CADPS2: variants seen among roughly 807,000 people sequenced by gnomAD.
The protein encoded by CADPS2 is calcium-dependent secretion activator 2.
Under a neutral mutation model 172.5 loss-of-function variants are expected in CADPS2, and 93 were observed. That is an observed-to-expected ratio of 0.54 (90% CI 0.46 to 0.64). The LOEUF (loss-of-function observed/expected upper bound fraction) is 0.64. Among genes scored for constraint, CADPS2 ranks in the 30% least tolerant of loss-of-function variants. The pLI, the probability that CADPS2 is intolerant of heterozygous loss-of-function variation, is 0.00. For synonymous variants in CADPS2, 546 were observed against 555.2 expected (o/e 0.98, Z 0.23); for missense variants, 1,420 against 1,565.9 (o/e 0.91, Z 1.57).
chr7:122,840,606 G>C (rs578026204), intron 1 of CADPS2, among the ~76,000 whole-genome samples: 2 of 150,614 alleles, frequency 1.3e-5, no homozygotes, highest in South Asian at 4.2e-4. Context: ...ACTTAGGGTA[G>C]GCCGAATTAC....
chr7:122,649,898 ATTTTTTTTTTTT>A (rs71531909), intron 3 of CADPS2, among the ~76,000 whole-genome samples: 8 of 51,974 alleles, frequency 1.5e-4, no homozygotes, highest in Admixed American at 3.2e-4. Context: ...GTATTCAATG[ATTTTTTTTTTTT>A]TTTTTTTTTT....
intron 1 of CADPS2, among the ~76,000 whole-genome samples, chr7:122,786,798 T>C (rs73718005): frequency 0.017 from 2,511 of 152,158 alleles, 69 homozygotes; most frequent in African/African-American, 0.057. Context: ...TATTTGGTCG[T>C]GCTTTGTTCA....
Position 122,323,360 on chromosome 7 carries a change from G to A in CADPS2, c.3717+2117C>T, listed in dbSNP as rs547328820. Among the ~76,000 whole-genome samples the A allele has an allele frequency of 1.9e-3, 292 of 151,908 alleles. 1 individual carries two copies. Among genetic ancestry groups the A allele is most frequent in the Middle Eastern group, 0.01 (3 of 294 alleles). On this transcript the variant is annotated intron_variant, in intron 29 of 29. Transcript: ENST00000449022. ...TTGGTCAAATATTGATCATTAGGAAGAATATATTAAAGAAGATATACTGAC... is the reference window on the plus strand; with the variant it reads ...TTGGTCAAATATTGATCATTAGGAAAAATATATTAAAGAAGATATACTGAC...
In CADPS2 at chr7:122,737,007, G is replaced by A; in HGVS notation, c.401C>T (p.Thr134Ile). 6.2e-7 allele frequency: 1 copy of A among 1,612,874 alleles called. No individual in the cohort carries two copies. The highest frequency in any genetic ancestry group is 8.5e-7 in the Non-Finnish European group (1 of 1,179,058). The change falls in exon 2 of 30, where the codon ACC becomes ATC. Residue 134 changes from threonine (T) to isoleucine (I), a missense_variant. Transcript: ENST00000449022. ...AAATGCTTCGTCAGCTACAATTTGG[G>A]TTTCCCCATTGAGGAAGGCCTGGAA... The part of the protein sequence containing the change: ...ERFQAFLNGE[T>I]QIVADEAFCN...
At chr7:122,441,281 G>C (rs780575006) in intron 16 of CADPS2, among the ~76,000 whole-genome samples, 5 of 152,078 alleles carry the variant, frequency 3.3e-5, no homozygotes, top group Non-Finnish European at 7.4e-5. Flanking sequence ...CTACCAAAAA[G>C]ATGCCATAAT....
intron 2 of CADPS2, among the ~76,000 whole-genome samples, chr7:122,687,205 T>C (rs2083751668): frequency 6.6e-6 from 1 of 152,148 alleles, no homozygotes. Flanking sequence ...TTTACTCAAA[T>C]CAGATATACC....
chr7:122,329,837 C>T (rs565268653), intron 28 of CADPS2, among the ~76,000 whole-genome samples: 1 of 152,260 alleles, frequency 6.6e-6, no homozygotes, highest in Non-Finnish European at 1.5e-5. Flanking sequence ...AATCACAAGA[C>T]CACATAGGGT....
intron 7 of CADPS2, among the ~76,000 whole-genome samples, chr7:122,575,318 A>G (rs1345850629): frequency 6.6e-6 from 1 of 151,968 alleles, no homozygotes; most frequent in African/African-American, 2.4e-5. Flanking sequence ...TAATTAGGGA[A>G]CTCTGAATAT....
intron 8 of CADPS2, among the ~76,000 whole-genome samples, chr7:122,519,196 T>A (rs2130978112): frequency 6.6e-6 from 1 of 152,202 alleles, no homozygotes; most frequent in African/African-American, 2.4e-5. Flanking sequence ...CAAGCACATA[T>A]TTCCAAAGCT....
chr7:122,410,614 T>C (rs552119760), intron 19 of CADPS2, among the ~76,000 whole-genome samples: 2 of 152,148 alleles, frequency 1.3e-5, no homozygotes, highest in African/African-American at 4.8e-5. Context: ...AAATAGGCAA[T>C]AACAATACTT....
intron 2 of CADPS2, among the ~76,000 whole-genome samples, chr7:122,690,415 C>T (rs887425045): frequency 2.6e-5 from 4 of 152,118 alleles, no homozygotes; most frequent in East Asian, 1.9e-4. Flanking sequence ...CCCCTACGAA[C>T]GGCTAATTGT....
intron 17 of CADPS2, among the ~76,000 whole-genome samples, chr7:122,434,187 A>G (rs1479568482): frequency 1.3e-5 from 2 of 152,226 alleles, no homozygotes; most frequent in African/African-American, 2.4e-5. Context: ...ATGTGCTGTC[A>G]TAAGAGGTGA....
At chr7:122,418,030 C>T (rs931818780) in intron 17 of CADPS2, among the ~76,000 whole-genome samples, 5 of 151,968 alleles carry the variant, frequency 3.3e-5, no homozygotes, top group Admixed American at 2.0e-4. Context: ...ATTAGCTGGG[C>T]CCGGTGGTGG....
intron 2 of CADPS2, among the ~76,000 whole-genome samples, chr7:122,718,838 T>C (rs1466318532): frequency 1.3e-5 from 2 of 152,100 alleles, no homozygotes; most frequent in African/African-American, 4.8e-5. Flanking sequence ...TACAATGGAA[T>C]TAATCTGTTT....
At chr7:122,542,445 T>C (rs2063200290) in intron 8 of CADPS2, among the ~76,000 whole-genome samples, 1 of 152,112 alleles carries the variant, frequency 6.6e-6, no homozygotes, top group Non-Finnish European at 1.5e-5. Flanking sequence ...TAAGTGCAAG[T>C]TTGGGAAGGT....
At chr7:122,753,753 T>C (rs1262091462) in intron 1 of CADPS2, among the ~76,000 whole-genome samples, 1 of 152,152 alleles carries the variant, frequency 6.6e-6, no homozygotes, top group African/African-American at 2.4e-5. Flanking sequence ...GCAAGCTCAG[T>C]TGTATACATA....
intron 25 of CADPS2, among the ~76,000 whole-genome samples, chr7:122,377,085 G>GA (rs1491566790): frequency 6.6e-6 from 1 of 152,024 alleles, no homozygotes; most frequent in African/African-American, 2.4e-5. Context: ...AGGCATAGAG[G>GA]AAAACTATAA....
intron 1 of CADPS2, among the ~76,000 whole-genome samples, chr7:122,752,346 C>A (rs185304302): frequency 2.0e-5 from 3 of 152,260 alleles, no homozygotes; most frequent in Admixed American, 2.0e-4. Flanking sequence ...AAAACATTCT[C>A]ATACTTTCTG....
chr7:122,414,812 G>A (rs536978695), intron 18 of CADPS2, among the ~76,000 whole-genome samples: 20 of 152,138 alleles, frequency 1.3e-4, no homozygotes, highest in Non-Finnish European at 2.4e-4. Context: ...TGTAGTTCCT[G>A]TAGTTTCTTA....
Sources: allele counts gnomAD v4.1 joint callset (sites outside exome capture counted in the v4.1 genomes callset), GRCh38; gene constraint gnomAD v4.1.1; transcripts MANE v1.5; gene names NCBI Gene and HGNC (gene_info 2026-07-23, HGNC 2026-07-21).